The following SMARCC1 variants were observed in gnomAD, a reference collection of about 807,000 sequenced individuals.
SMARCC1 encodes SWI/SNF related BAF chromatin remodeling complex subunit C1, also known as SWI/SNF complex subunit SMARCC1.
SMARCC1 carries 43 observed loss-of-function variants against 147.4 expected under a neutral mutation model. The observed-to-expected ratio is 0.29, with a 90% confidence interval of 0.23 to 0.38. SMARCC1 has a LOEUF of 0.38. SMARCC1 is among the 10% of genes least tolerant of loss of function. The probability of loss-of-function intolerance (pLI) is 1.00; values close to 1 mark genes in which losing one functional copy is unlikely to be tolerated. For synonymous variants in SMARCC1, 495 were observed against 484.4 expected (o/e 1.02, Z -0.29); for missense variants, 1,119 against 1,381.1 (o/e 0.81, Z 3.01).
intron 22 of SMARCC1, among the ~76,000 whole-genome samples, chr3:47,636,800 G>A (rs955885749): frequency 9.0e-5 from 10 of 111,402 alleles, no homozygotes; most frequent in African/African-American, 2.8e-4. Flanking sequence ...GTGTGTGTGT[G>A]TGTGTGTGTG....
intron 14 of SMARCC1, among the ~76,000 whole-genome samples, chr3:47,682,646 T>C (rs1213736732): frequency 6.6e-6 from 1 of 152,180 alleles, no homozygotes; most frequent in Non-Finnish European, 1.5e-5. Context: ...GTTTGTCAAT[T>C]TTAACAGAAC....
At chr3:47,686,211 C>G (rs762077541) in intron 13 of SMARCC1, 41 bp from the exon 14 acceptor site, 74 of 1,542,038 alleles carry the variant, frequency 4.8e-5, no homozygotes, top group Non-Finnish European at 5.9e-5. Flanking sequence ...GAAAGAACTA[C>G]AGAGAGAGAT....
intron 18 of SMARCC1, among the ~76,000 whole-genome samples, chr3:47,671,696 G>C (rs1170080669): frequency 6.6e-6 from 1 of 152,028 alleles, no homozygotes; most frequent in African/African-American, 2.4e-5. Context: ...TCATCTTCAG[G>C]GGACTTGATT....
chr3:47,748,635 T>A (rs1010354675), intron 2 of SMARCC1, among the ~76,000 whole-genome samples: 1 of 152,138 alleles, frequency 6.6e-6, no homozygotes, highest in African/African-American at 2.4e-5. Flanking sequence ...AAAATATAGC[T>A]CAAATTAAAC....
intron 2 of SMARCC1, among the ~76,000 whole-genome samples, chr3:47,765,580 C>T (rs1329706298): frequency 6.6e-6 from 1 of 152,114 alleles, no homozygotes; most frequent in Non-Finnish European, 1.5e-5. Context: ...GCTACAAACT[C>T]AAATGCTCAC....
chr3:47,748,511 A>AC (rs2034592083), intron 2 of SMARCC1, among the ~76,000 whole-genome samples: 1 of 132,062 alleles, frequency 7.6e-6, no homozygotes, highest in Non-Finnish European at 1.6e-5. Flanking sequence ...GGCATGAGCC[A>AC]CCGCACCCGG....
chr3:47,740,871 A>ATC (rs1401402949), intron 3 of SMARCC1, among the ~76,000 whole-genome samples: 3 of 150,740 alleles, frequency 2.0e-5, no homozygotes, highest in African/African-American at 7.3e-5. Context: ...AAAAAAAAAC[A>ATC]AAAACCTACA....
At chr3:47,637,890 T>G (rs1217829263) in intron 22 of SMARCC1, among the ~76,000 whole-genome samples, 3 of 152,182 alleles carry the variant, frequency 2.0e-5, no homozygotes, top group Non-Finnish European at 4.4e-5. Flanking sequence ...AGTGGGAATC[T>G]TTGATTTTCT....
chr3:47,591,105 C>T (rs1420778915), intron 26 of SMARCC1, among the ~76,000 whole-genome samples: 4 of 151,968 alleles, frequency 2.6e-5, no homozygotes, highest in Admixed American at 1.3e-4. Flanking sequence ...GGCAAAGGTC[C>T]CCTAAAATAA....
At chr3:47,688,884 T>C (rs553379125) in intron 13 of SMARCC1, among the ~76,000 whole-genome samples, 1 of 152,162 alleles carries the variant, frequency 6.6e-6, no homozygotes, top group East Asian at 1.9e-4. Flanking sequence ...AGGACAAAAA[T>C]TTCCTCTAAG....
intron 11 of SMARCC1, among the ~76,000 whole-genome samples, chr3:47,697,179 T>C (rs545953964): frequency 4.8e-4 from 73 of 152,156 alleles, no homozygotes; most frequent in African/African-American, 1.5e-3. Context: ...ATTAAGCAAA[T>C]GTGGTGGTGA....
intron 24 of SMARCC1, among the ~76,000 whole-genome samples, chr3:47,630,887 A>ACC (rs1260460009): frequency 6.6e-6 from 1 of 151,982 alleles, no homozygotes; most frequent in African/African-American, 2.4e-5. Context: ...ATATAGGGAG[A>ACC]CCCCGTCTCT....
chr3:47,773,935 A>G (rs921857577), intron 1 of SMARCC1, among the ~76,000 whole-genome samples: 9 of 152,150 alleles, frequency 5.9e-5, no homozygotes, highest in Non-Finnish European at 1.0e-4. Context: ...CTCAGCCTCA[A>G]AAAGTATTTT....
chr3:47,726,435 T>C (rs552270784), intron 6 of SMARCC1, among the ~76,000 whole-genome samples: 1 of 152,174 alleles, frequency 6.6e-6, no homozygotes, highest in Admixed American at 6.6e-5. Context: ...TTATTGTTAT[T>C]GCCAATGCTT....
At chr3:47,616,204 GCT>G (rs1251648812) in intron 25 of SMARCC1, among the ~76,000 whole-genome samples, 1 of 152,258 alleles carries the variant, frequency 6.6e-6, no homozygotes, top group Middle Eastern at 3.4e-3. Context: ...TCTGAAACCT[GCT>G]CTGTTGACGG....
intron 2 of SMARCC1, among the ~76,000 whole-genome samples, chr3:47,766,268 T>TA (rs779221268): frequency 6.6e-6 from 1 of 151,870 alleles, no homozygotes; most frequent in Non-Finnish European, 1.5e-5. Flanking sequence ...AAATGCAGAA[T>TA]AAAAAAACAG....
intron 21 of SMARCC1, among the ~76,000 whole-genome samples, chr3:47,653,283 T>A (rs917104281): frequency 7.9e-5 from 12 of 152,070 alleles, no homozygotes; most frequent in Admixed American, 6.6e-4. Context: ...ACCATATACA[T>A]CATATATTTC....
intron 24 of SMARCC1, 91 bp downstream of exon 24, chr3:47,635,099 G>T: frequency 8.8e-7 from 1 of 1,137,816 alleles, no homozygotes; most frequent in Non-Finnish European, 1.3e-6. Context: ...TGGGAGCAAA[G>T]CTCTTTATAC....
intron 14 of SMARCC1, among the ~76,000 whole-genome samples, chr3:47,684,856 CACATAA>C (rs780683482): frequency 8.5e-5 from 13 of 152,060 alleles, no homozygotes; most frequent in Non-Finnish European, 1.8e-4. Context: ...CCTACGTATA[CACATAA>C]ACACACACAT....
Sources: gnomAD v4.1 joint callset for allele counts (sites outside exome capture counted in the v4.1 genomes callset) on GRCh38, gnomAD v4.1.1 for gene constraint, MANE v1.5 for transcripts, NCBI Gene and HGNC (gene_info 2026-07-23, HGNC 2026-07-21) for gene names.